The following SPPL2A variants were observed in gnomAD, a reference collection of about 807,000 sequenced individuals.
SPPL2A encodes the protein signal peptide peptidase-like 2A.
In SPPL2A, 51 loss-of-function variants were observed where a neutral mutation model predicts 63.8. The observed-to-expected ratio is 0.80, with a 90% CI of 0.64 to 1.01. The LOEUF (loss-of-function observed/expected upper bound fraction) is 1.01, where lower values mean the gene tolerates loss of function less well. Ranked by LOEUF, SPPL2A falls within the 50% of genes least tolerant of loss-of-function variation. SPPL2A has a pLI of 0.00. For synonymous variants in SPPL2A, 188 were observed against 205.8 expected (o/e 0.91, Z 0.74); for missense variants, 553 against 622.7 (o/e 0.89, Z 1.19).
intron 6 of SPPL2A, among the ~76,000 whole-genome samples, chr15:50,737,282 G>C (rs1311245601): frequency 6.6e-6 from 1 of 152,278 alleles, no homozygotes; most frequent in South Asian, 2.1e-4. Context: ...TTCAGGTAAA[G>C]TAGAGGGCTC....
At chr15:50,709,112 T>C (rs2062537050) in intron 14 of SPPL2A, among the ~76,000 whole-genome samples, 1 of 151,988 alleles carries the variant, frequency 6.6e-6, no homozygotes, top group Non-Finnish European at 1.5e-5. Flanking sequence ...TCATAAAAAA[T>C]TGTCTTATAT....
intron 14 of SPPL2A, among the ~76,000 whole-genome samples, chr15:50,711,564 G>C (rs761886188): frequency 6.6e-6 from 1 of 152,092 alleles, no homozygotes; most frequent in Non-Finnish European, 1.5e-5. Context: ...CTTTTGATGA[G>C]AGAAACTCAC....
chr15:50,758,394 G>A (rs749377023), intron 1 of SPPL2A, among the ~76,000 whole-genome samples: 12 of 150,438 alleles, frequency 8.0e-5, no homozygotes, highest in Non-Finnish European at 3.0e-5. Context: ...GTGCAGTGGC[G>A]TGATCTAGGC....
At chr15:50,724,785 C>T (rs1393037589) in intron 12 of SPPL2A, among the ~76,000 whole-genome samples, 2 of 152,142 alleles carry the variant, frequency 1.3e-5, no homozygotes, top group African/African-American at 2.4e-5. Context: ...TTTTGTATTA[C>T]GCAGTCCTAC....
In SPPL2A at chr15:50,706,122, T is replaced by G. The variant is rs1387204655; in HGVS notation, c.*1678A>C. 2 of 152,162 alleles carry G rather than the reference T, an allele frequency of 1.3e-5. No individual in the cohort carries two copies. Among genetic ancestry groups the G allele is most frequent in the African/African-American group, 4.8e-5 (2 of 41,434 alleles). The allele number at this position is 152,162 out of a possible 1,614,324, so 9.4% of individuals were successfully genotyped here. A position where few individuals can be genotyped will look rare whatever the true frequency, so the allele number is the denominator to read the frequency against. On this transcript the variant is annotated 3_prime_UTR_variant, in exon 15 of 15. Coordinates refer to ENST00000261854, the MANE Select transcript of SPPL2A (RefSeq NM_032802.4). ...AAAACTGAGATATGGCCGGGCGCGG[T>G]GGCTCACGCCTGTAATCCCAGCACT...
At chr15:50,746,446 A>AG (rs1028036237) in intron 5 of SPPL2A, among the ~76,000 whole-genome samples, 3 of 107,084 alleles carry the variant, frequency 2.8e-5, no homozygotes, top group African/African-American at 8.4e-5. Flanking sequence ...CAAAAAAAAA[A>AG]AAAAAAAAAA....
chr15:50,759,025 T>C (rs2062986554), intron 1 of SPPL2A, among the ~76,000 whole-genome samples: 1 of 152,110 alleles, frequency 6.6e-6, no homozygotes. Context: ...CTCACCCTCC[T>C]GAGCAGCTGG....
At chr15:50,733,925 A>G (rs2062749753) in intron 8 of SPPL2A, among the ~76,000 whole-genome samples, 2 of 152,188 alleles carry the variant, frequency 1.3e-5, no homozygotes, top group Admixed American at 6.5e-5. Flanking sequence ...AACATCTCCA[A>G]TCAGATGAAA....
intron 1 of SPPL2A, among the ~76,000 whole-genome samples, chr15:50,761,165 A>G (rs2063007938): frequency 6.8e-6 from 1 of 147,638 alleles, no homozygotes; most frequent in African/African-American, 2.4e-5. Flanking sequence ...ACAAGCCACC[A>G]TGCTCAGCTA....
chr15:50,754,588 G>C (rs563914048), intron 1 of SPPL2A, among the ~76,000 whole-genome samples: 1 of 152,218 alleles, frequency 6.6e-6, no homozygotes, highest in South Asian at 2.1e-4. Flanking sequence ...CACAAAACAA[G>C]AAAGTATAGT....
At position 50,736,907 on chromosome 15, in the gene SPPL2A, G is replaced by T. The variant is rs192603508; in HGVS notation, c.734-167C>A. 5.6e-3 allele frequency among the ~76,000 whole-genome samples: 844 copies of T among 150,588 alleles called. 5 individuals are homozygous for T. Among genetic ancestry groups the T allele is most frequent in the Non-Finnish European group, 9.9e-3 (670 of 67,564 alleles). ...ACTAAGCTGAAATTTAGATCGTGAG[G>T]TTTTTTGTTTTTTTTTCTGAGAGTC... is the stretch of plus-strand genomic sequence containing the variant. On this transcript the variant is annotated intron_variant, in intron 6 of 14. Transcript: ENST00000261854.
chr15:50,733,100 A>G lies in SPPL2A; in HGVS notation c.933-416T>C, dbSNP rs564916559. The stretch of plus-strand genomic sequence containing the variant: ...TGAAAAGGCTACCTCAGAAGAACAT[A>G]TATCAGACATAAGTGCATTAACACG... On this transcript the variant is annotated intron_variant, in intron 8 of 14. Coordinates refer to ENST00000261854, the MANE Select transcript of SPPL2A (RefSeq NM_032802.4). Among the ~76,000 whole-genome samples, 109 of 152,366 alleles carry G rather than the reference A, an allele frequency of 7.2e-4. 2 individuals carry two copies. In the South Asian group the frequency reaches 0.021, roughly 30 times the overall value.
rs530484709 is a variant in SPPL2A at position 50,709,103 on chromosome 15, C to T, written c.1489-1229G>A. Among the ~76,000 whole-genome samples the T allele has an allele frequency of 1.1e-3, 174 of 151,874 alleles. 2 individuals carry two copies. Among genetic ancestry groups the T allele is most frequent in the African/African-American group, 4.0e-3 (167 of 41,446 alleles). ...GTCACTTCAGCTCTGCCTATATTCT[C>T]ATAAAAAATTGTCTTATATTTGGAA... On this transcript the variant is annotated intron_variant, in intron 14 of 14. Transcript: ENST00000261854.
chr15:50,748,826 G>A lies in SPPL2A; in HGVS notation c.222C>T (p.Asn74=), dbSNP rs754119564. ...TGCCAACAGGAGGAATATCAGAAAG[G>A]TTGCATAGTGGTGTGGAAGTCAGAT... ...LMNLTSTPLC[N]LSDIPPVGIK... The change falls in exon 3 of 15, where the codon AAC becomes AAT. Residue 74 remains asparagine, a synonymous_variant. Coordinates refer to ENST00000261854, the MANE Select transcript of SPPL2A (RefSeq NM_032802.4). 1.2e-6 allele frequency: 2 copies of A among 1,609,662 alleles called. No homozygotes were observed. Among genetic ancestry groups the A allele is most frequent in the Non-Finnish European group, 1.7e-6 (2 of 1,178,484 alleles).
chr15:50,736,567 C>T (rs1219112870), intron 7 of SPPL2A, 77 bp downstream of exon 7: 3 of 838,290 alleles, frequency 3.6e-6, no homozygotes, highest in Non-Finnish European at 5.8e-6. Flanking sequence ...ATATAGGTTT[C>T]AAATAATACT....
rs1351233811 is a variant in SPPL2A at position 50,739,808 on chromosome 15, G to A, written c.605C>T (p.Thr202Ile). Residue 202 changes from threonine (T) to isoleucine (I), a missense_variant, in exon 6 of 15, where the codon ACA becomes ATA. Physicochemically the swap from Thr to Ile is moderately conservative, Grantham distance 89. Transcript: ENST00000261854. ...TTTCCTCATTTCTCTATCTTCAGTT[G>A]TCACTGCTTTCAAGTTTTCCCTGTA... The part of the protein sequence containing the change: ...LVELENLKAV[T>I]TEDREMRKKK... 9 of 1,602,006 alleles carry A rather than the reference G, an allele frequency of 5.6e-6. No homozygotes were observed. Among genetic ancestry groups the A allele is most frequent in the Non-Finnish European group, 6.8e-6 (8 of 1,176,990 alleles).
At chr15:50,763,620 C>T (rs746223536) in intron 1 of SPPL2A, among the ~76,000 whole-genome samples, 1 of 152,104 alleles carries the variant, frequency 6.6e-6, no homozygotes, top group Non-Finnish European at 1.5e-5. Context: ...CTAAAATCGC[C>T]GGGCATGGTG....
intron 1 of SPPL2A, among the ~76,000 whole-genome samples, chr15:50,763,356 T>C (rs2063028506): frequency 6.6e-6 from 1 of 151,912 alleles, no homozygotes; most frequent in Non-Finnish European, 1.5e-5. Context: ...AACAAATCCA[T>C]AAAGAAATCA....
At chr15:50,758,467 G>T (rs1046160896) in intron 1 of SPPL2A, among the ~76,000 whole-genome samples, 1 of 150,312 alleles carries the variant, frequency 6.7e-6, no homozygotes, top group Non-Finnish European at 1.5e-5. Context: ...CGAGTTGCTG[G>T]GACAAGAGCA....
Sources: gnomAD v4.1 joint callset for allele counts (sites outside exome capture counted in the v4.1 genomes callset) on GRCh38, gnomAD v4.1.1 for gene constraint, MANE v1.5 for transcripts, NCBI Gene and HGNC (gene_info 2026-07-23, HGNC 2026-07-21) for gene names.